Variants in CLDND1 observed in about 807,000 individuals in gnomAD.
CLDND1 encodes claudin domain-containing protein 1.
A neutral mutation model predicts 26.3 loss-of-function variants in CLDND1; 13 were observed. The observed-to-expected ratio is 0.49, with a 90% confidence interval of 0.32 to 0.78. The LOEUF (loss-of-function observed/expected upper bound fraction) is 0.78, where lower values mean the gene tolerates loss of function less well. CLDND1 is among the 30% of genes least tolerant of loss of function. The pLI is 0.03. For synonymous variants in CLDND1, 107 were observed against 107.0 expected (o/e 1.00, Z 0.00); for missense variants, 289 against 312.8 (o/e 0.92, Z 0.57).
intron 1 of CLDND1, chr3:98,522,463 G>C (rs902716864): frequency 3.3e-5 from 32 of 971,674 alleles, no homozygotes; most frequent in Non-Finnish European, 3.9e-5. Context: ...TAAGAGCAAT[G>C]ACAACGAAAA....
intron 1 of CLDND1, chr3:98,522,396 A>T: frequency 2.9e-6 from 1 of 342,596 alleles, no homozygotes; most frequent in Non-Finnish European, 4.4e-6. Flanking sequence ...GTTCATGAAA[A>T]CAGACTCGCA....
In CLDND1 at chr3:98,516,604, T is replaced by C; in HGVS notation, c.*55A>G. The C allele has an allele frequency of 2.6e-6, 4 of 1,536,390 alleles. No homozygotes were observed. Among genetic ancestry groups the C allele is most frequent in the Non-Finnish European group, 3.5e-6 (4 of 1,141,282 alleles). ...AAACAATTGAGAGGTGGGGAAAATA[T>C]CAGTATTATTTTAAAAAAATAAAAA... On this transcript the variant is annotated 3_prime_UTR_variant, in exon 5 of 5. Coordinates refer to ENST00000341181, the MANE Select transcript of CLDND1 (RefSeq NM_001040181.2).
At chr3:98,519,946 C>T (rs567452236) in intron 2 of CLDND1, among the ~76,000 whole-genome samples, 1 of 152,230 alleles carries the variant, frequency 6.6e-6, no homozygotes, top group Non-Finnish European at 1.5e-5. Context: ...AAAATCATAA[C>T]CTATGGCCAC....
At chr3:98,519,516 G>C (rs1408585521) in intron 2 of CLDND1, among the ~76,000 whole-genome samples, 3 of 152,174 alleles carry the variant, frequency 2.0e-5, no homozygotes, top group Admixed American at 6.5e-5. Flanking sequence ...CACTTAACCT[G>C]AATTACTTCT....
rs996740014 is a variant in CLDND1, at chr3:98,521,402, G to A, written c.23C>T (p.Ala8Val). 4.3e-6 allele frequency: 7 copies of A among 1,614,132 alleles called. No homozygotes were observed. Among genetic ancestry groups the A allele is most frequent in the Non-Finnish European group, 5.9e-6 (7 of 1,180,010 alleles). The change falls in exon 2 of 5, where the codon GCA becomes GTA. Residue 8 changes from alanine (A) to valine (V), a missense_variant. Coordinates refer to ENST00000341181, the MANE Select transcript of CLDND1 (RefSeq NM_001040181.2). ...GCTAAGCACACAAGCAATTACAAATGCTGTAGCAAAACGGTTATCCATTCT... is the reference window on the plus strand; with the variant it reads ...GCTAAGCACACAAGCAATTACAAATACTGTAGCAAAACGGTTATCCATTCT... MDNRFAT[A>V]FVIACVLSLI...
At position 98,516,644 on chromosome 3, in the gene CLDND1, CA is replaced by C; in HGVS notation, c.*14del. On this transcript the variant is annotated 3_prime_UTR_variant, in exon 5 of 5. Coordinates refer to ENST00000341181, the MANE Select transcript of CLDND1 (RefSeq NM_001040181.2). Reference sequence around the variant, plus strand: ...AAAAATAAAAATGGCAATTGTAAAGCAGGCAGTTTCTTGCTCATGCCACACG... The same window carrying C: ...AAAAATAAAAATGGCAATTGTAAAGCGGCAGTTTCTTGCTCATGCCACACG... The C allele has an allele frequency of 1.3e-6, 2 of 1,595,058 alleles. No individual in the cohort carries two copies. The highest frequency in any genetic ancestry group is 1.7e-6 in the Non-Finnish European group (2 of 1,172,198).
intron 3 of CLDND1, 58 bp downstream of exon 3, chr3:98,518,827 G>A: frequency 9.7e-7 from 1 of 1,029,314 alleles, no homozygotes; most frequent in South Asian, 1.3e-5. Context: ...AGTCCAAAAA[G>A]AGACAAATAA....
At chr3:98,520,568 G>T (rs1047341572) in intron 2 of CLDND1, among the ~76,000 whole-genome samples, 4 of 144,790 alleles carry the variant, frequency 2.8e-5, no homozygotes, top group African/African-American at 7.6e-5. Context: ...CTAGTTTTTG[G>T]TTTTTTTTTT....
At position 98,517,206 on chromosome 3, in the gene CLDND1, G is replaced by A; in HGVS notation, c.404-17C>T. 1 of 1,607,058 alleles carries A rather than the reference G, an allele frequency of 6.2e-7. No individual in the cohort carries two copies. Among genetic ancestry groups the A allele is most frequent in the Non-Finnish European group, 8.5e-7 (1 of 1,178,122 alleles). On this transcript the variant is annotated splice_polypyrimidine_tract_variant and intron_variant, in intron 3 of 4. Coordinates refer to ENST00000341181, the MANE Select transcript of CLDND1 (RefSeq NM_001040181.2). ...GCCAAAGATCTGATTTTTAAAAAGA[G>A]AGAAAAGAAATGTTACCGTGATTTC...
chr3:98,516,708 T>A lies in CLDND1; in HGVS notation c.713A>T (p.His238Leu), dbSNP rs1307296163. 6.2e-7 allele frequency: 1 copy of A among 1,614,022 alleles called. No individual in the cohort carries two copies. The highest frequency in any genetic ancestry group is 8.5e-7 in the Non-Finnish European group (1 of 1,180,018). Reference protein sequence around the residue: ...MASALFIWAAHTNRKEYTLMK... With the variant: ...MASALFIWAALTNRKEYTLMK... The stretch of plus-strand genomic sequence containing the variant: ...TAAGGTGTACTCTTTCCGGTTGGTG[T>A]GAGCAGCCCAGATGAAGAGAGCAGA... Residue 238 changes from histidine (H) to leucine (L), a missense_variant, in exon 5 of 5, where the codon CAC becomes CTC. Coordinates refer to ENST00000341181, the MANE Select transcript of CLDND1 (RefSeq NM_001040181.2).
chr3:98,521,763 C>A, intron 1 of CLDND1: 1 of 1,408,750 alleles, frequency 7.1e-7, no homozygotes, highest in East Asian at 2.3e-5. Flanking sequence ...TAGACATGCC[C>A]ATGGTCAGCA....
chr3:98,519,451 T>C (rs980983930), intron 2 of CLDND1, among the ~76,000 whole-genome samples: 2 of 152,212 alleles, frequency 1.3e-5, no homozygotes, highest in African/African-American at 4.8e-5. Flanking sequence ...CTTCAAACTA[T>C]GTCCAGAATC....
Position 98,516,584 on chromosome 3 carries a change from A to G in CLDND1, c.*75T>C. 6.7e-7 allele frequency: 1 copy of G among 1,493,520 alleles called. No individual in the cohort carries two copies. The highest frequency in any genetic ancestry group is 1.3e-5 in the South Asian group (1 of 74,120). 92.5% of individuals were successfully genotyped at this position (1,493,520 alleles called of 1,614,324 possible). On this transcript the variant is annotated 3_prime_UTR_variant, in exon 5 of 5. Transcript: ENST00000341181. ...TATCCACAAATAAAAATTAAAAACA[A>G]TTGAGAGGTGGGGAAAATATCAGTA...
chr3:98,521,512 T>TTTG, intron 1 of CLDND1, 70 bp from the exon 2 acceptor site: 1 of 1,523,240 alleles, frequency 6.6e-7, no homozygotes, highest in Non-Finnish European at 9.0e-7. Flanking sequence ...TTTTGAATTA[T>TTTG]TCCAAATGCA....
chr3:98,521,469 A>T (rs1388995420), intron 1 of CLDND1, 27 bp from the exon 2 acceptor site: 1 of 1,592,516 alleles, frequency 6.3e-7, no homozygotes, highest in East Asian at 2.3e-5. Flanking sequence ...GAAAGAAGAT[A>T]AGTTAGAGTT....
chr3:98,522,751 G>A, intron 1 of CLDND1, 98 bp downstream of exon 1: 2 of 1,605,144 alleles, frequency 1.2e-6, no homozygotes, highest in Non-Finnish European at 1.7e-6. Context: ...AACCCGCCCA[G>A]CCCGACCACG....
chr3:98,521,684 T>C, intron 1 of CLDND1: 1 of 1,613,282 alleles, frequency 6.2e-7, no homozygotes, highest in Non-Finnish European at 8.5e-7. Flanking sequence ...GGTCTTGTTC[T>C]CTAGTCTATC....
intron 3 of CLDND1, 60 bp from the exon 4 acceptor site, chr3:98,517,249 A>G: frequency 6.4e-7 from 1 of 1,567,766 alleles, no homozygotes; most frequent in Non-Finnish European, 8.7e-7. Context: ...TTTCCCCGCA[A>G]TGGCAATTTC....
rs1234765467 is a variant in CLDND1, at chr3:98,516,827, G to T, written c.594C>A (p.Leu198=). The T allele has an allele frequency of 3.7e-6, 6 of 1,614,042 alleles. No individual in the cohort carries two copies. The highest frequency in any genetic ancestry group is 1.7e-5 in the Admixed American group (1 of 59,994). The part of the protein sequence containing the change: ...VSCYVAGIEL[L]HQKLELPDNV... ...TGTCAGGGAGCTCTAGTTTCTGGTG[G>T]AGTAGTTCAATTCCAGCAACATAAC... The change falls in exon 5 of 5, where the codon CTC becomes CTA. Residue 198 remains leucine (L), a synonymous_variant. Transcript: ENST00000341181.
Sources: allele counts gnomAD v4.1 joint callset (sites outside exome capture counted in the v4.1 genomes callset), GRCh38; gene constraint gnomAD v4.1.1; transcripts MANE v1.5; gene names NCBI Gene and HGNC (gene_info 2026-07-23, HGNC 2026-07-21).